The following UBE2E3 variants were observed in gnomAD, a reference collection of about 807,000 sequenced individuals.
The protein encoded by UBE2E3 is ubiquitin-conjugating enzyme E2 E3.
Under a neutral mutation model 23.6 loss-of-function variants are expected in UBE2E3, and 5 were observed. The ratio of observed to expected loss-of-function variants is 0.21; its 90% CI spans 0.11 to 0.44. The LOEUF (loss-of-function observed/expected upper bound fraction) is 0.44. Ranked by LOEUF, UBE2E3 falls within the 20% of genes least tolerant of loss-of-function variation. The pLI, the probability that UBE2E3 is intolerant of heterozygous loss-of-function variation, is 0.99. For missense variants in UBE2E3, 81 were observed against 249.8 expected (o/e 0.32, Z 4.55); for synonymous variants, 78 against 87.5 (o/e 0.89, Z 0.60).
intron 3 of UBE2E3, among the ~76,000 whole-genome samples, chr2:180,997,647 A>C (rs1357972729): frequency 4.6e-5 from 7 of 151,996 alleles, no homozygotes; most frequent in African/African-American, 7.2e-5. Flanking sequence ...ACCTGCATTT[A>C]GCTCTCTTAA....
intron 3 of UBE2E3, among the ~76,000 whole-genome samples, chr2:181,053,685 A>G (rs182234987): frequency 1.3e-5 from 2 of 151,860 alleles, no homozygotes; most frequent in East Asian, 3.9e-4. Context: ...CAATCGATAA[A>G]CCTACATTAA....
At chr2:181,046,714 T>G (rs747495696) in intron 3 of UBE2E3, among the ~76,000 whole-genome samples, 5 of 152,102 alleles carry the variant, frequency 3.3e-5, no homozygotes, top group Non-Finnish European at 7.4e-5. Context: ...TTAATCTGAT[T>G]TTTCAGAATT....
At chr2:180,981,970 T>G (rs1022205875) in intron 1 of UBE2E3, 48 bp from the exon 2 acceptor site, 2 of 1,366,358 alleles carry the variant, frequency 1.5e-6, no homozygotes, top group Non-Finnish European at 2.0e-6. Flanking sequence ...TTGGTTTATT[T>G]CCTAGATTTA....
chr2:181,011,828 A>G (rs1210449201), intron 3 of UBE2E3, among the ~76,000 whole-genome samples: 1 of 152,192 alleles, frequency 6.6e-6, no homozygotes, highest in Admixed American at 6.5e-5. Flanking sequence ...AAGTGATTTT[A>G]GGAAGAGCAA....
At chr2:181,046,239 T>A (rs1196227972) in intron 3 of UBE2E3, among the ~76,000 whole-genome samples, 2 of 152,170 alleles carry the variant, frequency 1.3e-5, no homozygotes, top group African/African-American at 4.8e-5. Flanking sequence ...AAGCAGGAAA[T>A]AGATTTATTG....
chr2:181,020,942 T>C (rs550096559), intron 3 of UBE2E3, among the ~76,000 whole-genome samples: 146 of 152,258 alleles, frequency 9.6e-4, no homozygotes, highest in African/African-American at 3.4e-3. Flanking sequence ...GAAAGGGGAA[T>C]TTTTATCCTT....
rs182849505 is a variant in UBE2E3, at chr2:181,061,513, A to G, written c.526+701A>G. ...TGCTGCTGTATGCTTTTAGGCAACT[A>G]CTTTAATAATAGAAGGCTTCTTGTT... On this transcript the variant is annotated intron_variant, in intron 5 of 5. Coordinates refer to ENST00000410062, the MANE Select transcript of UBE2E3 (RefSeq NM_006357.4). 1.3e-3 allele frequency among the ~76,000 whole-genome samples: 199 copies of G among 151,708 alleles called. 1 individual carries two copies. The South Asian group carries it at 0.014, about 10-fold the overall frequency.
At chr2:181,007,595 A>G (rs1685191606) in intron 3 of UBE2E3, among the ~76,000 whole-genome samples, 1 of 152,062 alleles carries the variant, frequency 6.6e-6, no homozygotes. Context: ...AGCTGGAACC[A>G]TTTGACCTTC....
chr2:181,027,057 C>T (rs1011948247), intron 3 of UBE2E3, among the ~76,000 whole-genome samples: 92 of 151,948 alleles, frequency 6.1e-4, no homozygotes, highest in African/African-American at 2.1e-3. Flanking sequence ...TAACTTTATT[C>T]TAACTTATCC....
At chr2:180,990,365 A>G (rs1344037960) in intron 3 of UBE2E3, among the ~76,000 whole-genome samples, 1 of 152,010 alleles carries the variant, frequency 6.6e-6, no homozygotes, top group Non-Finnish European at 1.5e-5. Context: ...AAGTTGAGAG[A>G]CCCTCCTATA....
At chr2:181,002,718 C>T (rs147242072) in intron 3 of UBE2E3, among the ~76,000 whole-genome samples, 2 of 152,188 alleles carry the variant, frequency 1.3e-5, no homozygotes, top group Non-Finnish European at 2.9e-5. Context: ...ATATACACCA[C>T]CTTTTAAGGA....
At chr2:181,004,134 A>G (rs981499518) in intron 3 of UBE2E3, among the ~76,000 whole-genome samples, 3 of 152,196 alleles carry the variant, frequency 2.0e-5, no homozygotes, top group African/African-American at 7.2e-5. Flanking sequence ...TCAGTACAGC[A>G]TAATACTTTG....
At chr2:181,033,508 A>G (rs1374759676) in intron 3 of UBE2E3, among the ~76,000 whole-genome samples, 1 of 152,232 alleles carries the variant, frequency 6.6e-6, no homozygotes, top group Non-Finnish European at 1.5e-5. Flanking sequence ...TCCCTTCCTT[A>G]CACCTTATAC....
intron 3 of UBE2E3, chr2:180,989,798 C>T: frequency 7.2e-7 from 1 of 1,389,418 alleles, no homozygotes; most frequent in Admixed American, 2.4e-5. Flanking sequence ...CATAACCAGT[C>T]ATATTCCTCT....
At chr2:180,997,854 T>C (rs1684873862) in intron 3 of UBE2E3, among the ~76,000 whole-genome samples, 1 of 152,194 alleles carries the variant, frequency 6.6e-6, no homozygotes. Context: ...CTATTTCAGA[T>C]GTTACATCTT....
chr2:181,041,223 A>C (rs1686486803), intron 3 of UBE2E3, among the ~76,000 whole-genome samples: 2 of 133,924 alleles, frequency 1.5e-5, no homozygotes, highest in African/African-American at 6.0e-5. Context: ...CGACAGAGCA[A>C]GACTCCGTCT....
intron 3 of UBE2E3, among the ~76,000 whole-genome samples, chr2:181,041,234 CAAAA>C (rs1206207155): frequency 1.3e-5 from 1 of 77,196 alleles, no homozygotes; most frequent in Non-Finnish European, 2.4e-5. Context: ...GACTCCGTCT[CAAAA>C]AAAAAAAAAA....
chr2:181,009,298 T>G (rs1285189175), intron 3 of UBE2E3, among the ~76,000 whole-genome samples: 1 of 152,144 alleles, frequency 6.6e-6, no homozygotes, highest in Non-Finnish European at 1.5e-5. Context: ...TTATACTATT[T>G]ATCTATAAAA....
rs374125049 is a variant in UBE2E3, at chr2:180,984,112, T to A, written c.245+19T>A. 23 of 1,603,496 alleles carry A rather than the reference T, an allele frequency of 1.4e-5. No homozygotes were observed. In the African/African-American group the frequency reaches 2.9e-4, roughly 21 times the overall value. The stretch of plus-strand genomic sequence containing the variant: ...ATTGCAGGTAAGAAATGAATTTTGT[T>A]GTTTTGGTTTCAAATTGTGGAAAAA... On this transcript the variant is annotated intron_variant, in intron 3 of 5. Transcript: ENST00000410062.
Sources: allele counts gnomAD v4.1 joint callset (sites outside exome capture counted in the v4.1 genomes callset), GRCh38; gene constraint gnomAD v4.1.1; transcripts MANE v1.5; gene names NCBI Gene and HGNC (gene_info 2026-07-23, HGNC 2026-07-21).